Variants in DEFB127 observed in about 807,000 individuals in gnomAD.
DEFB127 encodes beta-defensin 127.
A neutral mutation model predicts 2.4 loss-of-function variants in DEFB127; 2 were observed. The observed-to-expected ratio is 0.82, with a 90% CI of 0.34 to 2.58. DEFB127 has a LOEUF of 2.58. Ranked by LOEUF, DEFB127 falls within the 30% of genes most tolerant of loss-of-function variation. The probability of loss-of-function intolerance (pLI) is 0.11; values close to 1 mark genes in which losing one functional copy is unlikely to be tolerated. For synonymous variants in DEFB127, 37 were observed against 39.8 expected (o/e 0.93, Z 0.26); for missense variants, 110 against 113.2 (o/e 0.97, Z 0.13).
chr20:157,562 C>T lies in DEFB127; in HGVS notation c.18C>T (p.Ile6=). The T allele has an allele frequency of 6.2e-7, 1 of 1,613,892 alleles. No individual in the cohort carries two copies. Among genetic ancestry groups the T allele is most frequent in the Non-Finnish European group, 8.5e-7 (1 of 1,179,878 alleles). ...GCCTGGCCATGGGGCTCTTCATGAT[C>T]ATTGCAATTCTGCTGTTCCAGAAAC... is the stretch of plus-strand genomic sequence containing the variant. MGLFM[I]IAILLFQKPT... is the part of the protein sequence containing the mutation. The change falls in exon 1 of 2, where the codon ATC becomes ATT. Residue 6 remains isoleucine (I), a synonymous_variant. Transcript: ENST00000382388.
Position 158,799 on chromosome 20 carries a change from G to T in DEFB127, c.75G>T (p.Trp25Cys). The T allele has an allele frequency of 1.2e-6, 2 of 1,612,912 alleles. No individual in the cohort carries two copies. Among genetic ancestry groups the T allele is most frequent in the South Asian group, 2.2e-5 (2 of 90,956 alleles). The change falls in exon 2 of 2, where the codon TGG (tryptophan) becomes TGT (cysteine). Residue 25 changes from tryptophan (W) to cysteine (C), a missense_variant. Trp to Cys is a radical substitution (Grantham distance 215). Coordinates refer to ENST00000382388, the MANE Select transcript of DEFB127 (RefSeq NM_139074.4). ...PTVTEQLKKC[W>C]NNYVQGHCRK... ...TAACCGAACAACTTAAGAAGTGCTG[G>T]AATAACTATGTACAAGGACATTGCA...
rs1034140702 is a variant in DEFB127 at position 159,133 on chromosome 20, G to A, written c.*109G>A. The A allele has an allele frequency of 1.1e-5, 14 of 1,276,158 alleles. 1 individual carries two copies. Among genetic ancestry groups the A allele is most frequent in the Admixed American group, 5.5e-5 (2 of 36,174 alleles). 79.1% of individuals were successfully genotyped at this position (1,276,158 alleles called of 1,614,324 possible). A position where few individuals can be genotyped will look rare whatever the true frequency, so the allele number is the denominator to read the frequency against. On this transcript the variant is annotated 3_prime_UTR_variant, in exon 2 of 2. Transcript: ENST00000382388. ...TTTCTTGATCCTTAAAATGACCTTC[G>A]AGCATATTCTAATAAAGTGCATTGC...
chr20:158,695 C>T (rs1600149923), intron 1 of DEFB127, 79 bp from the exon 2 acceptor site: 3 of 1,438,918 alleles, frequency 2.1e-6, no homozygotes, highest in East Asian at 2.3e-5. Context: ...TTCCTACAAG[C>T]CTCCTCTGTC....
Position 157,473 on chromosome 20 carries a change from T to G in DEFB127, c.-72T>G. 8 of 1,525,220 alleles carry G rather than the reference T, an allele frequency of 5.2e-6. No individual in the cohort carries two copies. The highest frequency in any genetic ancestry group is 1.1e-5 in the South Asian group (1 of 88,868). 94.5% of individuals were successfully genotyped at this position (1,525,220 alleles called of 1,614,324 possible). A position where few individuals can be genotyped will look rare whatever the true frequency, so the allele number is the denominator to read the frequency against. On this transcript the variant is annotated 5_prime_UTR_variant, in exon 1 of 2. Coordinates refer to ENST00000382388, the MANE Select transcript of DEFB127 (RefSeq NM_139074.4). ...TTCAGTGCATAAGAATCTAAGTCTC[T>G]GAGGAAGGTAGCATAGTGTGCAGTT...
chr20:157,521 G>C lies in DEFB127; in HGVS notation c.-24G>C, dbSNP rs1362930937. On this transcript the variant is annotated 5_prime_UTR_variant, in exon 1 of 2. Coordinates refer to ENST00000382388, the MANE Select transcript of DEFB127 (RefSeq NM_139074.4). Reference sequence around the variant, plus strand: ...GTTCACTGGACCAAAAGCTTTGGCTGCACCTCTTCTGGAAAGCCTGGCCAT... The same window carrying C: ...GTTCACTGGACCAAAAGCTTTGGCTCCACCTCTTCTGGAAAGCCTGGCCAT... 1 of 1,594,144 alleles carries C rather than the reference G, an allele frequency of 6.3e-7. No individual in the cohort carries two copies. The highest frequency in any genetic ancestry group is 8.5e-7 in the Non-Finnish European group (1 of 1,169,660).
At position 159,153 on chromosome 20, in the gene DEFB127, C is replaced by T. The variant is rs2054715556; in HGVS notation, c.*129C>T. 1 of 1,065,198 alleles carries T rather than the reference C, an allele frequency of 9.4e-7. No individual in the cohort carries two copies. Among genetic ancestry groups the T allele is most frequent in the Non-Finnish European group, 1.3e-6 (1 of 758,300 alleles). The allele number at this position is 1,065,198 out of a possible 1,614,324, so 66.0% of individuals were successfully genotyped here. A position where few individuals can be genotyped will look rare whatever the true frequency, so the allele number is the denominator to read the frequency against. On this transcript the variant is annotated 3_prime_UTR_variant, in exon 2 of 2. Transcript: ENST00000382388. ...CCTTCGAGCATATTCTAATAAAGTGCATTGCCAGTTTTCTGTCTCATTTTG... is the reference window on the plus strand; with the variant it reads ...CCTTCGAGCATATTCTAATAAAGTGTATTGCCAGTTTTCTGTCTCATTTTG...
rs2054713881 is a variant in DEFB127 at position 158,879 on chromosome 20, A to G, written c.155A>G (p.Tyr52Cys). ...GAGGCACTATGTGAAAATGGGAGAT[A>G]CTGTTGCCTCAATATCAAGGAACTG... ...VPEALCENGR[Y>C]CCLNIKELEA... Residue 52 changes from tyrosine (Y) to cysteine (C), a missense_variant, in exon 2 of 2, where the codon TAC (tyrosine) becomes TGC (cysteine). Physicochemically the swap from Tyr to Cys is radical, Grantham distance 194. Coordinates refer to ENST00000382388, the MANE Select transcript of DEFB127 (RefSeq NM_139074.4). The G allele has an allele frequency of 6.2e-7, 1 of 1,613,852 alleles. No individual in the cohort carries two copies. Among genetic ancestry groups the G allele is most frequent in the South Asian group, 1.1e-5 (1 of 91,072 alleles).
At position 158,759 on chromosome 20, in the gene DEFB127, C is replaced by A. The variant is rs779455784; in HGVS notation, c.50-15C>A. The A allele has an allele frequency of 6.3e-7, 1 of 1,599,036 alleles. No homozygotes were observed. Among genetic ancestry groups the A allele is most frequent in the South Asian group, 1.1e-5 (1 of 88,726 alleles). ...CAAACACTGATATTGTTCTATTGCT[C>A]CTTTCTGTGTATAGTAACCGAACAA... On this transcript the variant is annotated splice_polypyrimidine_tract_variant and intron_variant, in intron 1 of 1. Coordinates refer to ENST00000382388, the MANE Select transcript of DEFB127 (RefSeq NM_139074.4).
intron 1 of DEFB127, 114 bp from the exon 2 acceptor site, chr20:158,660 C>T: frequency 1.9e-6 from 2 of 1,034,854 alleles, no homozygotes; most frequent in Non-Finnish European, 2.8e-6. Context: ...TGAGGGTCTG[C>T]CTTGTGGATA....
In DEFB127 at chr20:157,729, AT is replaced by A. The variant is rs377057204; in HGVS notation, c.49+139del. The A allele has an allele frequency of 7.9e-4, 735 of 933,462 alleles. 2 individuals carry two copies. The African/African-American group carries it at 0.011, about 14-fold the overall frequency. 57.8% of individuals were successfully genotyped at this position (933,462 alleles called of 1,614,324 possible). The stretch of plus-strand genomic sequence containing the variant: ...TAAAGTTTATCCAACATCATCAGAA[AT>A]TTCCTCTTTCTGGAGCCTTATTCCA... On this transcript the variant is annotated intron_variant, in intron 1 of 1. Transcript: ENST00000382388.
chr20:159,043 T>C lies in DEFB127; in HGVS notation c.*19T>C, dbSNP rs1192349060. The stretch of plus-strand genomic sequence containing the variant: ...TACATAAATCAAATACAATTTCGTT[T>C]TCACTTGCTTCTCAACCTAGTCTAA... On this transcript the variant is annotated 3_prime_UTR_variant, in exon 2 of 2. Transcript: ENST00000382388. 1 of 1,583,074 alleles carries C rather than the reference T, an allele frequency of 6.3e-7. No homozygotes were observed. Among genetic ancestry groups the C allele is most frequent in the South Asian group, 1.2e-5 (1 of 85,520 alleles).
intron 1 of DEFB127, 106 bp from the exon 2 acceptor site, chr20:158,668 A>G: frequency 8.7e-7 from 1 of 1,148,734 alleles, no homozygotes; most frequent in Non-Finnish European, 1.2e-6. Context: ...TGCCTTGTGG[A>G]TACCCCATAC....
intron 1 of DEFB127, among the ~76,000 whole-genome samples, chr20:158,455 C>G (rs1400308590): frequency 6.6e-6 from 1 of 152,096 alleles, no homozygotes; most frequent in Non-Finnish European, 1.5e-5. Flanking sequence ...TGCTGAGGTT[C>G]CTATGTAGAG....
At chr20:157,627 G>A (rs1195273073) in intron 1 of DEFB127, 34 bp downstream of exon 1, 1 of 1,612,780 alleles carries the variant, frequency 6.2e-7, no homozygotes. Context: ...CAAATCAACA[G>A]TGGGATGGAG....
chr20:158,236 A>G (rs111790727), intron 1 of DEFB127, among the ~76,000 whole-genome samples: 168 of 152,312 alleles, frequency 1.1e-3, no homozygotes, highest in African/African-American at 3.9e-3. Context: ...GTAATGGCCT[A>G]TTCCTGACCC....
chr20:158,749 T>C, intron 1 of DEFB127, 25 bp from the exon 2 acceptor site: 5 of 1,590,458 alleles, frequency 3.1e-6, no homozygotes, highest in Non-Finnish European at 4.3e-6. Context: ...ACTGATATTG[T>C]TCTATTGCTC....
chr20:158,535 CAG>C (rs1259500254), intron 1 of DEFB127, among the ~76,000 whole-genome samples: 1 of 152,068 alleles, frequency 6.6e-6, no homozygotes, highest in Admixed American at 6.6e-5. Context: ...ATGTTCTTGG[CAG>C]AGTCTATCAG....
rs2054715449 is a variant in DEFB127 at position 159,129 on chromosome 20, CT to C, written c.*107del. On this transcript the variant is annotated 3_prime_UTR_variant, in exon 2 of 2. Coordinates refer to ENST00000382388, the MANE Select transcript of DEFB127 (RefSeq NM_139074.4). Reference sequence around the variant, plus strand: ...TTGGTTTCTTGATCCTTAAAATGACCTTCGAGCATATTCTAATAAAGTGCAT... The same window carrying C: ...TTGGTTTCTTGATCCTTAAAATGACCTCGAGCATATTCTAATAAAGTGCAT... 3 of 1,302,918 alleles carry C rather than the reference CT, an allele frequency of 2.3e-6. No individual in the cohort carries two copies. The African/African-American group carries it at 4.5e-5, about 19-fold the overall frequency. 80.7% of individuals were successfully genotyped at this position (1,302,918 alleles called of 1,614,324 possible).
In DEFB127 at chr20:157,553, C is replaced by G. The variant is rs113156985; in HGVS notation, c.9C>G (p.Leu3=). The part of the protein sequence containing the change: MG[L]FMIIAILLFQ... ...TTCTGGAAAGCCTGGCCATGGGGCT[C>G]TTCATGATCATTGCAATTCTGCTGT... is the stretch of plus-strand genomic sequence containing the variant. Residue 3 remains leucine, a synonymous_variant, in exon 1 of 2, where the codon CTC becomes CTG. Coordinates refer to ENST00000382388, the MANE Select transcript of DEFB127 (RefSeq NM_139074.4). 6.2e-7 allele frequency: 1 copy of G among 1,613,916 alleles called. No individual in the cohort carries two copies. The highest frequency in any genetic ancestry group is 8.5e-7 in the Non-Finnish European group (1 of 1,179,874).
Sources: allele counts gnomAD v4.1 joint callset (sites outside exome capture counted in the v4.1 genomes callset), GRCh38; gene constraint gnomAD v4.1.1; transcripts MANE v1.5; gene names NCBI Gene and HGNC (gene_info 2026-07-23, HGNC 2026-07-21).